The following NYNRIN variants were observed in gnomAD, a reference collection of about 807,000 sequenced individuals.
The protein encoded by NYNRIN is NYN domain and retroviral integrase containing.
A neutral mutation model predicts 146.6 loss-of-function variants in NYNRIN; 86 were observed. That is an observed-to-expected ratio of 0.59 (90% CI 0.49 to 0.70). The LOEUF (loss-of-function observed/expected upper bound fraction) is 0.70, where lower values mean the gene tolerates loss of function less well. NYNRIN is among the 30% of genes least tolerant of loss of function. The probability of loss-of-function intolerance (pLI) is 0.00; values close to 1 mark genes in which losing one functional copy is unlikely to be tolerated. For synonymous variants in NYNRIN, 1,027 were observed against 1,001.3 expected, an observed-to-expected ratio of 1.03 and a Z score of -0.48; for missense variants, 2,191 against 2,377.7, an observed-to-expected ratio of 0.92 and a Z score of 1.63.
chr14:24,412,767 G>C (rs985747483), intron 6 of NYNRIN: 1 of 446,492 alleles, frequency 2.2e-6, no homozygotes, highest in Non-Finnish European at 4.1e-6. Context: ...ATATACAGCT[G>C]GGAATGCGTG....
Position 24,409,233 on chromosome 14 carries a change from G to C in NYNRIN, c.1439G>C (p.Gly480Ala). ...GTTAGCTCGGATCTCCCACAGATAG[G>C]GCCACCCTTGACCTCTACACCCCAA... is the stretch of plus-strand genomic sequence containing the variant. The part of the protein sequence containing the change: ...DKVSSDLPQI[G>A]PPLTSTPQLQ... Residue 480 changes from glycine to alanine, a missense_variant, in exon 4 of 9, where the codon GGG (glycine) becomes GCG (alanine). Around this residue, in one of 3 missense-constraint regions of NYNRIN, gnomAD observed 895 missense variants for 941.2 expected, o/e 0.95. Transcript: ENST00000382554. The C allele has an allele frequency of 6.2e-7, 1 of 1,613,968 alleles. No individual in the cohort carries two copies. Among genetic ancestry groups the C allele is most frequent in the Non-Finnish European group, 8.5e-7 (1 of 1,179,878 alleles).
chr14:24,414,800 C>T lies in NYNRIN; in HGVS notation c.3051C>T (p.Asp1017=), dbSNP rs376159917. The change falls in exon 9 of 9, where the codon GAC becomes GAT. Residue 1017 remains aspartate (D), a synonymous_variant. Coordinates refer to ENST00000382554, the MANE Select transcript of NYNRIN (RefSeq NM_025081.3). ...GCACACAGAAGGCGGCTGAGGAGGA[C>T]GACCTTGACTCTTCGCTGGCGTCAG... ...GQGTQKAAEE[D]DLDSSLASVF... 6.4e-5 allele frequency: 103 copies of T among 1,613,578 alleles called. 1 individual carries two copies. The highest frequency in any genetic ancestry group is 1.7e-4 in the Middle Eastern group (1 of 6,058).
In NYNRIN at chr14:24,416,240, T is replaced by C. The variant is rs775985279; in HGVS notation, c.4491T>C (p.Ala1497=). ...TLADIIARLQ[A]GQKLSGSSPF... ...CCGACATCATTGCCAGGCTGCAGGC[T>C]GGGCAGAAACTGTCTGGCTCCTCAC... is the stretch of plus-strand genomic sequence containing the variant. The change falls in exon 9 of 9, where the codon GCT becomes GCC. Residue 1497 remains alanine (A), a synonymous_variant. Coordinates refer to ENST00000382554, the MANE Select transcript of NYNRIN (RefSeq NM_025081.3). The C allele has an allele frequency of 6.2e-7, 1 of 1,613,978 alleles. No homozygotes were observed. The highest frequency in any genetic ancestry group is 1.7e-5 in the Admixed American group (1 of 60,028).
At position 24,409,872 on chromosome 14, in the gene NYNRIN, C is replaced by A. The variant is rs2042900323; in HGVS notation, c.2078C>A (p.Thr693Asn). The A allele has an allele frequency of 1.2e-6, 2 of 1,613,420 alleles. No individual in the cohort carries two copies. The highest frequency in any genetic ancestry group is 1.7e-6 in the Non-Finnish European group (2 of 1,179,696). Residue 693 changes from threonine (T) to asparagine (N), a missense_variant, in exon 4 of 9, where the codon ACC becomes AAC. Transcript: ENST00000382554. Reference protein sequence around the residue: ...AQKVPTDAGPTLDVARLLSEV... With the variant: ...AQKVPTDAGPNLDVARLLSEV... ...AAGGTGCCCACGGATGCAGGGCCAA[C>A]CTTGGATGTAGCCAGACTTCTGAGT... is the stretch of plus-strand genomic sequence containing the variant.
Position 24,413,302 on chromosome 14 carries a change from C to T in NYNRIN, c.2745-14C>T, listed in dbSNP as rs762088824. The T allele has an allele frequency of 2.5e-6, 4 of 1,607,018 alleles. No homozygotes were observed. The highest frequency in any genetic ancestry group is 2.2e-5 in the East Asian group (1 of 44,744). On this transcript the variant is annotated splice_polypyrimidine_tract_variant and intron_variant, in intron 7 of 8. Transcript: ENST00000382554. ...GGCTCACAGTGACTGTGCCTCTTCT[C>T]CCCCTGGGCCCAGCTTGCTGCCTTT...
At position 24,416,360 on chromosome 14, in the gene NYNRIN, G is replaced by C. The variant is rs745461296; in HGVS notation, c.4611G>C (p.Pro1537=). 1 of 1,613,248 alleles carries C rather than the reference G, an allele frequency of 6.2e-7. No homozygotes were observed. The highest frequency in any genetic ancestry group is 8.5e-7 in the Non-Finnish European group (1 of 1,179,560). ...GDKKPRVWVV[P]TQLRRDLIFS... ...AGAAGCCCAGGGTCTGGGTAGTCCCGACGCAACTCCGGAGGGATCTGATTT... is the reference window on the plus strand; with the variant it reads ...AGAAGCCCAGGGTCTGGGTAGTCCCCACGCAACTCCGGAGGGATCTGATTT... The change falls in exon 9 of 9, where the codon CCG becomes CCC. Residue 1537 remains proline (P), a synonymous_variant. Coordinates refer to ENST00000382554, the MANE Select transcript of NYNRIN (RefSeq NM_025081.3).
At chr14:24,414,217 C>G (rs1269531719) in intron 8 of NYNRIN, among the ~76,000 whole-genome samples, 1 of 152,250 alleles carries the variant, frequency 6.6e-6, no homozygotes, top group Non-Finnish European at 1.5e-5. Context: ...TCACAAGCTC[C>G]TTGTCAGGCT....
chr14:24,399,057 TC>T lies in NYNRIN; in HGVS notation c.-45del, dbSNP rs1400241312. The T allele has an allele frequency of 3.2e-5, 17 of 536,830 alleles. No individual in the cohort carries two copies. The South Asian group carries it at 3.8e-4, about 12-fold the overall frequency. The allele number at this position is 536,830 out of a possible 1,614,324, so 33.3% of individuals were successfully genotyped here. ...TAGCAGCGGTCGAAGGGGACCAAGC[TC>T]CAGAGGGCGGGCGCCCGAGCCGTGC... On this transcript the variant is annotated 5_prime_UTR_variant, in exon 1 of 9. Coordinates refer to ENST00000382554, the MANE Select transcript of NYNRIN (RefSeq NM_025081.3).
chr14:24,413,595 C>T (rs1253010688), intron 8 of NYNRIN, among the ~76,000 whole-genome samples, 178 bp downstream of exon 8: 1 of 152,222 alleles, frequency 6.6e-6, no homozygotes. Context: ...GGTTTTAATA[C>T]ATATATGAAA....
Position 24,409,071 on chromosome 14 carries a change from G to A in NYNRIN, c.1277G>A (p.Ser426Asn), listed in dbSNP as rs762121476. The change falls in exon 4 of 9, where the codon AGT becomes AAT. Residue 426 changes from serine to asparagine, a missense_variant. Around this residue, in one of 3 missense-constraint regions of NYNRIN, gnomAD observed 895 missense variants for 941.2 expected, o/e 0.95. Coordinates refer to ENST00000382554, the MANE Select transcript of NYNRIN (RefSeq NM_025081.3). ...WKQKELAPLPSAESPAGRPDG... is the reference protein window; with the variant it reads ...WKQKELAPLPNAESPAGRPDG... The stretch of plus-strand genomic sequence containing the variant: ...CAGAAGGAGCTGGCTCCTCTGCCTA[G>A]TGCAGAAAGCCCAGCTGGTAGACCA... The A allele has an allele frequency of 6.2e-7, 1 of 1,613,560 alleles. No homozygotes were observed. The highest frequency in any genetic ancestry group is 8.5e-7 in the Non-Finnish European group (1 of 1,179,744).
chr14:24,406,661 G>A (rs2042877318), intron 2 of NYNRIN, among the ~76,000 whole-genome samples: 1 of 152,270 alleles, frequency 6.6e-6, no homozygotes, highest in South Asian at 2.1e-4. Flanking sequence ...CACCTGGGTG[G>A]TCTTCAGGAT....
In NYNRIN at chr14:24,409,378, GC is replaced by G. The variant is rs1357119916; in HGVS notation, c.1585del (p.Leu529Ter). On this transcript the variant is annotated frameshift_variant, in exon 4 of 9. Transcript: ENST00000382554. LOFTEE classifies it high-confidence loss of function. ...GQGKPVAQGG[L>X]TDQSVPGAQT... ...AAGGGAAGCCCGTGGCTCAAGGGGG[GC>G]TGACAGATCAGTCAGTACCTGGAGC... 1 of 1,613,896 alleles carries G rather than the reference GC, an allele frequency of 6.2e-7. No individual in the cohort carries two copies. The highest frequency in any genetic ancestry group is 1.3e-5 in the African/African-American group (1 of 74,926).
rs372362122 is a variant in NYNRIN, at chr14:24,416,537, C to G, written c.4788C>G (p.Gly1596=). 3 of 1,613,914 alleles carry G rather than the reference C, an allele frequency of 1.9e-6. No individual in the cohort carries two copies. The Admixed American group carries it at 5.0e-5, about 27-fold the overall frequency. ...TCTGCATCCCCCGAAATCTCATAGG[C>G]AGCGAGTTGAAGGTTATTGAGTCCC... The part of the protein sequence containing the change: ...CLFCIPRNLI[G]SELKVIESPW... Residue 1596 remains glycine, a synonymous_variant, in exon 9 of 9, where the codon GGC becomes GGG. Transcript: ENST00000382554.
rs2042890839 is a variant in NYNRIN at position 24,408,638 on chromosome 14, TG to T, written c.858-11del. On this transcript the variant is annotated splice_polypyrimidine_tract_variant and intron_variant, in intron 3 of 8. Transcript: ENST00000382554. Reference sequence around the variant, plus strand: ...TGGCCTTCCACCTTTTCAATGAACTTGGGCTTCCTCCAGGGTCGGTTCCAAC... The same window carrying T: ...TGGCCTTCCACCTTTTCAATGAACTTGGCTTCCTCCAGGGTCGGTTCCAAC... 1 of 1,578,974 alleles carries T rather than the reference TG, an allele frequency of 6.3e-7. No homozygotes were observed. Among genetic ancestry groups the T allele is most frequent in the Non-Finnish European group, 8.6e-7 (1 of 1,163,464 alleles).
intron 2 of NYNRIN, among the ~76,000 whole-genome samples, chr14:24,403,712 C>T (rs1284055579): frequency 3.9e-5 from 6 of 152,140 alleles, no homozygotes; most frequent in Admixed American, 3.3e-4. Context: ...TTCTCTTCAC[C>T]GTCATCCTGG....
intron 2 of NYNRIN, among the ~76,000 whole-genome samples, chr14:24,406,672 C>T (rs1013929636): frequency 2.0e-5 from 3 of 152,192 alleles, no homozygotes; most frequent in Non-Finnish European, 4.4e-5. Context: ...TCTTCAGGAT[C>T]GCTGCTGGAG....
rs1341459104 is a variant in NYNRIN at position 24,409,103 on chromosome 14, G to C, written c.1309G>C (p.Gly437Arg). 6.2e-7 allele frequency: 1 copy of C among 1,613,770 alleles called. No homozygotes were observed. The highest frequency in any genetic ancestry group is 1.7e-5 in the Admixed American group (1 of 59,984). ...AESPAGRPDG[G>R]LGGEAALQNC... ...AAGCCCAGCTGGTAGACCAGATGGGGGGCTGGGAGGAGAAGCAGCCCTGCA... is the reference window on the plus strand; with the variant it reads ...AAGCCCAGCTGGTAGACCAGATGGGCGGCTGGGAGGAGAAGCAGCCCTGCA... The change falls in exon 4 of 9, where the codon GGG becomes CGG. Residue 437 changes from glycine to arginine, a missense_variant. This residue lies in a region of NYNRIN where 895 missense variants were observed against 941.2 expected (regional missense o/e 0.95). Coordinates refer to ENST00000382554, the MANE Select transcript of NYNRIN (RefSeq NM_025081.3).
chr14:24,417,257 C>A lies in NYNRIN; in HGVS notation c.5508C>A (p.Ser1836=). ...WNVGDQVLLL[S]LPRNGSSAKW... ...TGGGTGACCAGGTCCTTTTGCTGTCCCTCCCCAGGAATGGCAGCAGTGCCA... is the reference window on the plus strand; with the variant it reads ...TGGGTGACCAGGTCCTTTTGCTGTCACTCCCCAGGAATGGCAGCAGTGCCA... Residue 1836 remains serine (S), a synonymous_variant, in exon 9 of 9, where the codon TCC becomes TCA. Coordinates refer to ENST00000382554, the MANE Select transcript of NYNRIN (RefSeq NM_025081.3). The A allele has an allele frequency of 6.2e-7, 1 of 1,614,024 alleles. No individual in the cohort carries two copies. Among genetic ancestry groups the A allele is most frequent in the Non-Finnish European group, 8.5e-7 (1 of 1,179,886 alleles).
In NYNRIN at chr14:24,415,210, C is replaced by T. The variant is rs1369795736; in HGVS notation, c.3461C>T (p.Pro1154Leu). The T allele has an allele frequency of 6.2e-7, 1 of 1,611,844 alleles. No individual in the cohort carries two copies. The highest frequency in any genetic ancestry group is 2.2e-5 in the East Asian group (1 of 44,854). Residue 1154 changes from proline (P) to leucine (L), a missense_variant, in exon 9 of 9, where the codon CCC becomes CTC. Pro to Leu is a moderately conservative substitution (Grantham distance 98). Coordinates refer to ENST00000382554, the MANE Select transcript of NYNRIN (RefSeq NM_025081.3). ...ALVSALCLMAPNSQLPFRLEV... is the reference protein window; with the variant it reads ...ALVSALCLMALNSQLPFRLEV... ...GTGTCTGCCCTCTGCCTGATGGCCC[C>T]CAACTCCCAGCTGCCCTTCCGCCTG...
Sources: gnomAD v4.1 joint callset for allele counts (sites outside exome capture counted in the v4.1 genomes callset) on GRCh38, gnomAD v4.1.1 for gene constraint, gnomAD v4.1.1 regional missense constraint, MANE v1.5 for transcripts, NCBI Gene and HGNC (gene_info 2026-07-23, HGNC 2026-07-21) for gene names.